The following MAGI2 variants were observed in gnomAD, a reference collection of about 807,000 sequenced individuals.
MAGI2 encodes the protein membrane-associated guanylate kinase, WW and PDZ domain-containing protein 2.
Under a neutral mutation model 133.3 loss-of-function variants are expected in MAGI2, and 35 were observed. The observed-to-expected ratio is 0.26, with a 90% CI of 0.20 to 0.35. MAGI2 has a LOEUF of 0.35. MAGI2 is among the 10% of genes least tolerant of loss of function. The probability of loss-of-function intolerance (pLI) is 1.00; values close to 1 mark genes in which losing one functional copy is unlikely to be tolerated. For synonymous variants in MAGI2, 729 were observed against 710.6 expected (o/e 1.03, Z -0.41); for missense variants, 1,636 against 1,863.4 (o/e 0.88, Z 2.25).
intron 1 of MAGI2, among the ~76,000 whole-genome samples, chr7:79,425,840 A>G (rs1223810651): frequency 6.6e-6 from 1 of 152,076 alleles, no homozygotes; most frequent in Non-Finnish European, 1.5e-5. Context: ...TAAAGGCTTC[A>G]ATGACTATTT....
intron 2 of MAGI2, among the ~76,000 whole-genome samples, chr7:78,909,459 C>T (rs1248626436): frequency 6.7e-6 from 1 of 150,270 alleles, no homozygotes; most frequent in African/African-American, 2.4e-5. Flanking sequence ...AAAAATTAGC[C>T]AGGCGTGGTG....
rs117078060 is a variant in MAGI2, at chr7:79,374,528, A to G, written c.301+78492T>C. Among the ~76,000 whole-genome samples, 1,370 of 152,100 alleles carry G rather than the reference A, an allele frequency of 9.0e-3. 13 individuals are homozygous for G. Among genetic ancestry groups the G allele is most frequent in the Middle Eastern group, 0.041 (12 of 294 alleles). On this transcript the variant is annotated intron_variant, in intron 1 of 21. Coordinates refer to ENST00000354212, the MANE Select transcript of MAGI2 (RefSeq NM_012301.4). ...AGTCTCCAGAGCTGTGAGAAAATGAATTTATGCTTCAGCCATTTAGTTAAT... is the reference window on the plus strand; with the variant it reads ...AGTCTCCAGAGCTGTGAGAAAATGAGTTTATGCTTCAGCCATTTAGTTAAT...
At chr7:78,643,198 G>A (rs1220358184) in intron 2 of MAGI2, among the ~76,000 whole-genome samples, 1 of 152,172 alleles carries the variant, frequency 6.6e-6, no homozygotes, top group Non-Finnish European at 1.5e-5. Context: ...AGTCTCTAAA[G>A]TGTTGTCAAG....
At chr7:78,237,320 T>C (rs1790656231) in intron 10 of MAGI2, among the ~76,000 whole-genome samples, 1 of 152,184 alleles carries the variant, frequency 6.6e-6, no homozygotes, top group Non-Finnish European at 1.5e-5. Flanking sequence ...ATTTTTACAT[T>C]TTAGATTTGA....
intron 3 of MAGI2, among the ~76,000 whole-genome samples, chr7:78,538,928 C>G (rs928507467): frequency 1.3e-5 from 2 of 152,222 alleles, no homozygotes; most frequent in African/African-American, 4.8e-5. Flanking sequence ...TACTACCTCA[C>G]ATCTCAATAC....
intron 2 of MAGI2, among the ~76,000 whole-genome samples, chr7:78,795,544 G>A (rs1469984557): frequency 2.0e-5 from 3 of 151,778 alleles, no homozygotes; most frequent in African/African-American, 7.3e-5. Context: ...GAAGTCGAGA[G>A]GACACACAAA....
chr7:78,583,138 T>C (rs1036547334), intron 3 of MAGI2, among the ~76,000 whole-genome samples: 5 of 152,130 alleles, frequency 3.3e-5, no homozygotes, highest in African/African-American at 1.2e-4. Flanking sequence ...GATGACTTGC[T>C]AACACACTTT....
rs547633733 is a variant in MAGI2, at chr7:79,194,316, C to T, written c.302-187110G>A. Among the ~76,000 whole-genome samples, 37 of 152,028 alleles carry T rather than the reference C, an allele frequency of 2.4e-4. 1 individual carries two copies. The highest frequency in any genetic ancestry group is 8.7e-4 in the African/African-American group (36 of 41,422). ...TTCCTTTTGTTTTGTTTTAAAAAGC[C>T]TAGTGTTCTACTAGAAAATATTAAT... On this transcript the variant is annotated intron_variant, in intron 1 of 21. Transcript: ENST00000354212.
intron 16 of MAGI2, among the ~76,000 whole-genome samples, chr7:78,155,068 TA>T (rs1272883931): frequency 6.6e-6 from 1 of 152,250 alleles, no homozygotes; most frequent in Non-Finnish European, 1.5e-5. Flanking sequence ...GTGAAGTTTC[TA>T]ACATTATTTC....
At chr7:78,823,784 A>T (rs951868434) in intron 2 of MAGI2, among the ~76,000 whole-genome samples, 23 of 152,068 alleles carry the variant, frequency 1.5e-4, no homozygotes, top group Non-Finnish European at 3.2e-4. Context: ...AATGTGAAAA[A>T]TTTTCTAGTG....
chr7:78,547,155 A>G (rs1798914771), intron 3 of MAGI2, among the ~76,000 whole-genome samples: 1 of 152,222 alleles, frequency 6.6e-6, no homozygotes, highest in Non-Finnish European at 1.5e-5. Context: ...CTGGTCATAA[A>G]AACAACACCA....
chr7:78,910,433 G>A lies in MAGI2; in HGVS notation c.418+96657C>T, dbSNP rs948686631. Among the ~76,000 whole-genome samples the A allele has an allele frequency of 3.9e-5, 6 of 151,954 alleles. No individual in the cohort carries two copies. In the East Asian group the frequency reaches 5.8e-4, roughly 15 times the overall value. ...AAAAGGCCTTGGATAATAACAGAAA[G>A]GTAATAAATACAATTTCATTCCAGA... On this transcript the variant is annotated intron_variant, in intron 2 of 21. Transcript: ENST00000354212.
chr7:78,292,885 A>G (rs1796861534), intron 9 of MAGI2, among the ~76,000 whole-genome samples: 1 of 152,232 alleles, frequency 6.6e-6, no homozygotes, highest in Non-Finnish European at 1.5e-5. Flanking sequence ...AGCCATATGT[A>G]GAAAGCTGAA....
At chr7:78,800,103 A>T (rs374682068) in intron 2 of MAGI2, among the ~76,000 whole-genome samples, 17 of 152,276 alleles carry the variant, frequency 1.1e-4, no homozygotes, top group African/African-American at 3.1e-4. Flanking sequence ...TTTTACCACT[A>T]TTTAGTTTCC....
chr7:78,769,184 G>T (rs1207864), intron 2 of MAGI2, among the ~76,000 whole-genome samples: 134,383 of 152,068 alleles, frequency 0.88, 59,456 homozygotes, highest in East Asian at 1. Flanking sequence ...GGATCACAAT[G>T]CTAAAAAGGG....
chr7:78,661,805 G>A (rs1170356530), intron 2 of MAGI2, among the ~76,000 whole-genome samples: 1 of 152,138 alleles, frequency 6.6e-6, no homozygotes, highest in Non-Finnish European at 1.5e-5. Context: ...AACTCATAAT[G>A]TGCTTGATGT....
chr7:79,086,041 G>A (rs544862254), intron 1 of MAGI2, among the ~76,000 whole-genome samples: 2 of 151,900 alleles, frequency 1.3e-5, no homozygotes, highest in South Asian at 4.1e-4. Flanking sequence ...TTATATATTG[G>A]AGTATTCGAA....
At chr7:78,078,302 G>A (rs1815581995) in intron 21 of MAGI2, 1 of 153,288 alleles carries the variant, frequency 6.5e-6, no homozygotes, top group Non-Finnish European at 1.5e-5. Context: ...GCTGTCAGTA[G>A]TGTCTATAAT....
chr7:78,706,148 C>T (rs1585144630), intron 2 of MAGI2, among the ~76,000 whole-genome samples: 1 of 125,652 alleles, frequency 8.0e-6, no homozygotes, highest in South Asian at 3.0e-4. Context: ...TTGGCTGTGT[C>T]CCCCCCCAAA....
Sources: allele counts gnomAD v4.1 joint callset (sites outside exome capture counted in the v4.1 genomes callset), GRCh38; gene constraint gnomAD v4.1.1; transcripts MANE v1.5; gene names NCBI Gene and HGNC (gene_info 2026-07-23, HGNC 2026-07-21).